Variants in WWOX observed in about 807,000 individuals in gnomAD.
The protein encoded by WWOX is WW domain-containing oxidoreductase.
A neutral mutation model predicts 46.2 loss-of-function variants in WWOX; 69 were observed. That is an observed-to-expected ratio of 1.49 (90% confidence interval 1.23 to 1.82). The LOEUF (loss-of-function observed/expected upper bound fraction) is 1.82. Among genes scored for constraint, WWOX ranks in the 40% most tolerant of loss-of-function variants. The probability of loss-of-function intolerance (pLI) is 0.00; values close to 1 mark genes in which losing one functional copy is unlikely to be tolerated. For missense variants in WWOX, 919 were observed against 542.6 expected, an observed-to-expected ratio of 1.69 and a Z score of -6.89; for synonymous variants, 359 against 202.6, an observed-to-expected ratio of 1.77 and a Z score of -6.56.
chr16:79,038,430 A>G (rs139978193), intron 8 of WWOX, among the ~76,000 whole-genome samples: 1 of 152,342 alleles, frequency 6.6e-6, no homozygotes, highest in African/African-American at 2.4e-5. Context: ...ATGTTTTAAC[A>G]TGCCCTAGAC....
chr16:78,603,049 G>C (rs1011684999), intron 8 of WWOX, among the ~76,000 whole-genome samples: 6 of 152,234 alleles, frequency 3.9e-5, no homozygotes, highest in African/African-American at 1.4e-4. Flanking sequence ...TTGTGAACGG[G>C]GTGGAGGTGG....
At chr16:78,201,236 TTGTC>T (rs1483165908) in intron 5 of WWOX, among the ~76,000 whole-genome samples, 4 of 152,252 alleles carry the variant, frequency 2.6e-5, no homozygotes, top group Non-Finnish European at 1.5e-5. Context: ...ACCAAAATGA[TTGTC>T]TGTTAAGACA....
chr16:78,432,860 T>C, intron 8 of WWOX, 108 bp downstream of exon 8: 2 of 1,544,126 alleles, frequency 1.3e-6, no homozygotes, highest in Non-Finnish European at 8.9e-7. Flanking sequence ...GTCTCAGTAA[T>C]AACATTGTCC....
chr16:78,718,565 G>A (rs779187787), intron 8 of WWOX, among the ~76,000 whole-genome samples: 1 of 151,980 alleles, frequency 6.6e-6, no homozygotes, highest in Non-Finnish European at 1.5e-5. Flanking sequence ...ACTGAGCCAA[G>A]CATGGGTGGT....
Position 79,129,680 on chromosome 16 carries a change from G to A in WWOX, c.1057-81928G>A, listed in dbSNP as rs540492351. On this transcript the variant is annotated intron_variant, in intron 8 of 8. Transcript: ENST00000566780. Reference sequence around the variant, plus strand: ...GCATCCCAACATTCCTTTATGGACTGCATTCCATGCCTGGCACTGTGCCTA... The same window carrying A: ...GCATCCCAACATTCCTTTATGGACTACATTCCATGCCTGGCACTGTGCCTA... Among the ~76,000 whole-genome samples, 76 of 152,178 alleles carry A rather than the reference G, an allele frequency of 5.0e-4. 1 individual carries two copies. The highest frequency in any genetic ancestry group is 9.7e-4 in the Non-Finnish European group (66 of 68,012).
At position 78,308,504 on chromosome 16, in the gene WWOX, T is replaced by C. The variant is rs139974630; in HGVS notation, c.517-78356T>C. Among the ~76,000 whole-genome samples, 8 of 152,304 alleles carry C rather than the reference T, an allele frequency of 5.3e-5. No individual in the cohort carries two copies. In the East Asian group the frequency reaches 1.5e-3, roughly 29 times the overall value. On this transcript the variant is annotated intron_variant, in intron 5 of 8. Coordinates refer to ENST00000566780, the MANE Select transcript of WWOX (RefSeq NM_016373.4). ...ACCAAATTTCAACCCTACTCTAGTA[T>C]AGGATCACTTTGCAGATAGCAGGCA...
rs573790825 is a variant in WWOX at position 78,656,300 on chromosome 16, T to C, written c.1056+223548T>C. Among the ~76,000 whole-genome samples, 8 of 152,216 alleles carry C rather than the reference T, an allele frequency of 5.3e-5. No homozygotes were observed. The South Asian group carries it at 1.7e-3, about 32-fold the overall frequency. ...TTTTTTGGGATCACCCACTCCAACA[T>C]GCATGTCCTTTCTCTGTCCCCTCCT... On this transcript the variant is annotated intron_variant, in intron 8 of 8. Transcript: ENST00000566780.
intron 8 of WWOX, among the ~76,000 whole-genome samples, chr16:78,799,733 G>A (rs1597630769): frequency 1.3e-5 from 2 of 152,286 alleles, no homozygotes; most frequent in South Asian, 4.2e-4. Context: ...TCTAAAGAAA[G>A]TACACAAATG....
At chr16:78,426,099 T>A (rs2083071173) in intron 7 of WWOX, among the ~76,000 whole-genome samples, 2 of 152,136 alleles carry the variant, frequency 1.3e-5, no homozygotes, top group Non-Finnish European at 2.9e-5. Context: ...ATGGCTGAAA[T>A]GAAAGGTAAA....
chr16:78,276,929 G>A (rs929164027), intron 5 of WWOX, among the ~76,000 whole-genome samples: 15 of 152,132 alleles, frequency 9.9e-5, no homozygotes, highest in East Asian at 5.8e-4. Flanking sequence ...CTGAGATTCC[G>A]TTGTGTGAAA....
intron 8 of WWOX, among the ~76,000 whole-genome samples, chr16:78,768,832 C>G (rs1597578850): frequency 6.6e-6 from 1 of 152,094 alleles, no homozygotes; most frequent in African/African-American, 2.4e-5. Flanking sequence ...GGTACTGACC[C>G]TGAAGGGCTT....
intron 8 of WWOX, among the ~76,000 whole-genome samples, chr16:78,619,659 C>G (rs560914923): frequency 6.6e-6 from 1 of 151,926 alleles, no homozygotes; most frequent in Non-Finnish European, 1.5e-5. Flanking sequence ...AAAGCCAGCA[C>G]TTCGGGAGTC....
rs148344426 is a variant in WWOX, at chr16:78,884,114, A to G, written c.1057-327494A>G. On this transcript the variant is annotated intron_variant, in intron 8 of 8. Transcript: ENST00000566780. ...GCCAACATGGTGAAACCCTGTCTCT[A>G]CAAAAATATTAGTCAGGCATAGTGG... 4.6e-4 allele frequency among the ~76,000 whole-genome samples: 70 copies of G among 152,008 alleles called. 3 individuals are homozygous for G. The East Asian group carries it at 0.013, about 29-fold the overall frequency.
At chr16:79,021,536 C>A (rs1291112519) in intron 8 of WWOX, among the ~76,000 whole-genome samples, 1 of 152,150 alleles carries the variant, frequency 6.6e-6, no homozygotes, top group Non-Finnish European at 1.5e-5. Flanking sequence ...TTAAAGAACA[C>A]AGCTCATGGT....
intron 8 of WWOX, chr16:78,890,879 C>T (rs953873465): frequency 5.3e-5 from 8 of 152,162 alleles, no homozygotes; most frequent in African/African-American, 1.9e-4. Flanking sequence ...ACTTTAGGTA[C>T]ATTCCTGCAC....
At chr16:78,180,730 C>T (rs935094311) in intron 5 of WWOX, among the ~76,000 whole-genome samples, 1 of 150,532 alleles carries the variant, frequency 6.6e-6, no homozygotes, top group African/African-American at 2.4e-5. Flanking sequence ...ATGGGGTATA[C>T]ATGAATACTA....
At chr16:78,723,432 A>C (rs2048740254) in intron 8 of WWOX, among the ~76,000 whole-genome samples, 1 of 144,894 alleles carries the variant, frequency 6.9e-6, no homozygotes, top group Admixed American at 6.9e-5. Context: ...CTATTATTAT[A>C]AATGAACTGA....
At chr16:78,292,772 C>G (rs2079880730) in intron 5 of WWOX, among the ~76,000 whole-genome samples, 1 of 152,096 alleles carries the variant, frequency 6.6e-6, no homozygotes, top group Non-Finnish European at 1.5e-5. Flanking sequence ...CGTAGAAGAG[C>G]CAAATAGATT....
At chr16:79,095,860 C>CTTTT (rs775730124) in intron 8 of WWOX, among the ~76,000 whole-genome samples, 3 of 118,476 alleles carry the variant, frequency 2.5e-5, no homozygotes, top group African/African-American at 3.4e-5. Context: ...CTCTCTCTCT[C>CTTTT]TTTTTTTTTT....
Sources: allele counts gnomAD v4.1 joint callset (sites outside exome capture counted in the v4.1 genomes callset), GRCh38; gene constraint gnomAD v4.1.1; transcripts MANE v1.5; gene names NCBI Gene and HGNC (gene_info 2026-07-23, HGNC 2026-07-21).